The following CHRNA7 variants were observed in gnomAD, a reference collection of about 807,000 sequenced individuals.
CHRNA7 encodes the protein cholinergic receptor nicotinic alpha 7 subunit.
A neutral mutation model predicts 48.0 loss-of-function variants in CHRNA7; 17 were observed. The observed-to-expected ratio is 0.35, with a 90% CI of 0.24 to 0.53. The LOEUF is 0.53. Ranked by LOEUF, CHRNA7 falls within the 20% of genes least tolerant of loss-of-function variation. The pLI is 0.92. For missense variants in CHRNA7, 155 were observed against 577.7 expected, an observed-to-expected ratio of 0.27 and a Z score of 7.50; for synonymous variants, 75 against 242.3, an observed-to-expected ratio of 0.31 and a Z score of 6.41.
chr15:32,051,912 A>G (rs1383207069), intron 2 of CHRNA7, among the ~76,000 whole-genome samples: 2 of 152,106 alleles, frequency 1.3e-5, no homozygotes, highest in Non-Finnish European at 2.9e-5. Flanking sequence ...CCTGACCTGA[A>G]GTGATCTGCC....
chr15:32,035,657 G>A (rs1902049918), intron 2 of CHRNA7, among the ~76,000 whole-genome samples: 1 of 152,072 alleles, frequency 6.6e-6, no homozygotes, highest in East Asian at 1.9e-4. Context: ...ACATTCATTA[G>A]CCACTATTTA....
chr15:32,094,013 C>G (rs1339375563), intron 2 of CHRNA7, among the ~76,000 whole-genome samples: 4 of 152,182 alleles, frequency 2.6e-5, no homozygotes, highest in Non-Finnish European at 5.9e-5. Context: ...GGAGCAACAT[C>G]TCCAATCTCA....
intron 2 of CHRNA7, among the ~76,000 whole-genome samples, chr15:32,088,399 G>T (rs1188829701): frequency 6.6e-6 from 1 of 152,168 alleles, no homozygotes; most frequent in Non-Finnish European, 1.5e-5. Flanking sequence ...CTATAAACAT[G>T]TGCAGGTTTT....
At chr15:32,045,649 GCTTCAGC>G (rs1312977786) in intron 2 of CHRNA7, among the ~76,000 whole-genome samples, 2 of 151,626 alleles carry the variant, frequency 1.3e-5, no homozygotes, top group East Asian at 3.9e-4. Context: ...TGATTCTCCT[GCTTCAGC>G]CTTCCAAGTA....
intron 2 of CHRNA7, among the ~76,000 whole-genome samples, chr15:32,039,158 A>T (rs1294564508): frequency 6.6e-6 from 1 of 151,866 alleles, no homozygotes; most frequent in Non-Finnish European, 1.5e-5. Flanking sequence ...TTTTTTTCTT[A>T]TTTAGCCTGG....
At chr15:32,070,024 A>C (rs1480249968) in intron 2 of CHRNA7, among the ~76,000 whole-genome samples, 1 of 152,164 alleles carries the variant, frequency 6.6e-6, no homozygotes, top group African/African-American at 2.4e-5. Flanking sequence ...GTGGCTTCTT[A>C]ATAGATGTCT....
At chr15:32,036,181 A>C (rs1003552183) in intron 2 of CHRNA7, among the ~76,000 whole-genome samples, 1 of 151,548 alleles carries the variant, frequency 6.6e-6, no homozygotes, top group African/African-American at 2.4e-5. Context: ...GGAATCATAC[A>C]GTCTGTAGCC....
intron 4 of CHRNA7, among the ~76,000 whole-genome samples, chr15:32,123,287 T>C (rs776667151): frequency 2.6e-5 from 4 of 152,168 alleles, no homozygotes; most frequent in Non-Finnish European, 5.9e-5. Context: ...CCTCGTTAAA[T>C]GCACAAAATG....
chr15:32,100,951 C>T (rs1464725328), intron 2 of CHRNA7: 1 of 214,804 alleles, frequency 4.7e-6, no homozygotes, highest in Non-Finnish European at 9.0e-6. Context: ...TGTATTTTCA[C>T]CTACTTTTAT....
chr15:32,109,362 C>G lies in CHRNA7; in HGVS notation c.241-2428C>G, dbSNP rs372015720. ...GATTCAGCCGGCTTCTTTACTGCAA[C>G]CTGTTTTATCAGCAAGGTCTTTATG... On this transcript the variant is annotated intron_variant, in intron 3 of 9. Transcript: ENST00000306901. Among the ~76,000 whole-genome samples the G allele has an allele frequency of 1.1e-4, 16 of 152,294 alleles. No homozygotes were observed. In the East Asian group the frequency reaches 2.3e-3, roughly 22 times the overall value.
chr15:32,101,393 G>T (rs201580040), intron 3 of CHRNA7, 46 bp downstream of exon 3: 4 of 1,541,950 alleles, frequency 2.6e-6, no homozygotes, highest in Non-Finnish European at 3.5e-6. Context: ...GCAAGATCTT[G>T]CACCCAAGAT....
At chr15:32,139,718 T>C (rs1282037542) in intron 4 of CHRNA7, among the ~76,000 whole-genome samples, 1 of 152,192 alleles carries the variant, frequency 6.6e-6, no homozygotes, top group Admixed American at 6.5e-5. Flanking sequence ...TTGTTTGTTT[T>C]CTTATTGCTG....
At chr15:32,108,916 T>C (rs1046326624) in intron 3 of CHRNA7, among the ~76,000 whole-genome samples, 1 of 152,202 alleles carries the variant, frequency 6.6e-6, no homozygotes, top group East Asian at 1.9e-4. Context: ...GCCGCTAGTC[T>C]CTGCCAGACC....
At chr15:32,064,729 CA>C (rs2049937619) in intron 2 of CHRNA7, among the ~76,000 whole-genome samples, 1 of 152,066 alleles carries the variant, frequency 6.6e-6, no homozygotes, top group African/African-American at 2.4e-5. Flanking sequence ...CTCTGGAAAC[CA>C]AAACAAGGGA....
chr15:32,133,141 C>G (rs970395414), intron 4 of CHRNA7, among the ~76,000 whole-genome samples: 1 of 152,186 alleles, frequency 6.6e-6, no homozygotes, highest in African/African-American at 2.4e-5. Context: ...TGAATTTCCA[C>G]CCATGATGAA....
intron 4 of CHRNA7, among the ~76,000 whole-genome samples, chr15:32,129,697 T>G (rs927029741): frequency 6.6e-6 from 1 of 151,912 alleles, no homozygotes; most frequent in Non-Finnish European, 1.5e-5. Context: ...TTTTTTTTCT[T>G]TTTTTTCTCT....
At chr15:32,038,834 A>G (rs192847642) in intron 2 of CHRNA7, among the ~76,000 whole-genome samples, 91 of 152,316 alleles carry the variant, frequency 6.0e-4, no homozygotes, top group Non-Finnish European at 1.1e-3. Flanking sequence ...GAGACTGTAG[A>G]TAATTGGTAT....
intron 4 of CHRNA7, among the ~76,000 whole-genome samples, chr15:32,145,530 G>C (rs906666359): frequency 1.3e-5 from 2 of 152,210 alleles, no homozygotes; most frequent in African/African-American, 4.8e-5. Flanking sequence ...CACAGAAGTG[G>C]AGTCTATAGA....
intron 2 of CHRNA7, among the ~76,000 whole-genome samples, chr15:32,059,387 A>G (rs151191438): frequency 2.5e-4 from 38 of 152,250 alleles, no homozygotes; most frequent in African/African-American, 8.7e-4. Flanking sequence ...AGTTTGAACT[A>G]TTGATTTTTT....
Sources: allele counts gnomAD v4.1 joint callset (sites outside exome capture counted in the v4.1 genomes callset), GRCh38; gene constraint gnomAD v4.1.1; transcripts MANE v1.5; gene names NCBI Gene and HGNC (gene_info 2026-07-23, HGNC 2026-07-21).